The following ABI3 variants were observed in gnomAD, a reference collection of about 807,000 sequenced individuals.
ABI3 encodes the protein ABI family member 3.
Under a neutral mutation model 37.0 loss-of-function variants are expected in ABI3, and 24 were observed. That is an observed-to-expected ratio of 0.65 (90% CI 0.47 to 0.91). The LOEUF is 0.91. Among genes scored for constraint, ABI3 ranks in the 40% least tolerant of loss-of-function variants. The probability of loss-of-function intolerance (pLI) is 0.00; values close to 1 mark genes in which losing one functional copy is unlikely to be tolerated. For missense variants in ABI3, 481 were observed against 485.1 expected, an observed-to-expected ratio of 0.99 and a Z score of 0.08; for synonymous variants, 220 against 211.8, an observed-to-expected ratio of 1.04 and a Z score of -0.34.
Position 49,219,743 on chromosome 17 carries a change from G to A in ABI3, c.549-115G>A. Reference sequence around the variant, plus strand: ...CCCGGGTGCTCAGGCCGTCATGCTGGATGCCTGGCGCCAAACCTCCCCCTC... The same window carrying A: ...CCCGGGTGCTCAGGCCGTCATGCTGAATGCCTGGCGCCAAACCTCCCCCTC... On this transcript the variant is annotated intron_variant, in intron 4 of 7. Transcript: ENST00000225941. The surrounding 1 kb of genome is among the most constrained non-coding windows in gnomAD (Gnocchi z 4.3). 1 of 1,408,266 alleles carries A rather than the reference G, an allele frequency of 7.1e-7. No homozygotes were observed. Among genetic ancestry groups the A allele is most frequent in the Non-Finnish European group, 9.7e-7 (1 of 1,028,290 alleles). The allele number at this position is 1,408,266 out of a possible 1,614,324, so 87.2% of individuals were successfully genotyped here.
intron 1 of ABI3, among the ~76,000 whole-genome samples, chr17:49,214,876 G>C (rs117276946): frequency 6.6e-6 from 1 of 152,162 alleles, no homozygotes; most frequent in Non-Finnish European, 1.5e-5. Flanking sequence ...ATTAACTCAC[G>C]AGTGCATATT....
intron 3 of ABI3, among the ~76,000 whole-genome samples, chr17:49,218,327 G>T (rs1669801465): frequency 6.6e-6 from 1 of 152,212 alleles, no homozygotes; most frequent in South Asian, 2.1e-4. Flanking sequence ...GCTGCTGTTG[G>T]TGAGAAGAAG....
chr17:49,220,848 AT>A (rs1345634610), intron 6 of ABI3, among the ~76,000 whole-genome samples: 1 of 13,572 alleles, frequency 7.4e-5, no homozygotes, highest in Non-Finnish European at 2.0e-4. Flanking sequence ...CCATCTCAAA[AT>A]AATAATAATA....
intron 6 of ABI3, among the ~76,000 whole-genome samples, chr17:49,220,851 A>C (rs1393645029): frequency 1.4e-4 from 5 of 36,974 alleles, no homozygotes; most frequent in African/African-American, 5.6e-4. Context: ...TCTCAAAATA[A>C]TAATAATAAT....
Position 49,219,947 on chromosome 17 carries a change from C to G in ABI3, c.638C>G (p.Ser213Trp), listed in dbSNP as rs766418050. Reference sequence around the variant, plus strand: ...GCCTCCTCTGCGTTTTCCCTGGCCTCGGCCGGGTGAGACCTACAAGCCCAC... The same window carrying G: ...GCCTCCTCTGCGTTTTCCCTGGCCTGGGCCGGGTGAGACCTACAAGCCCAC... ...SAASSAFSLASAGSAEGVGGA... is the reference protein window; with the variant it reads ...SAASSAFSLAWAGSAEGVGGA... The change falls in exon 5 of 8, where the codon TCG becomes TGG. Residue 213 changes from serine (S) to tryptophan (W), a missense_variant. By Grantham distance (177) the Ser-to-Trp change is radical. Coordinates refer to ENST00000225941, the MANE Select transcript of ABI3 (RefSeq NM_016428.3). This position sits in a 1 kb window ranked among gnomAD's most constrained non-coding sequence, Gnocchi z 4.3. 6.5e-7 allele frequency: 1 copy of G among 1,545,518 alleles called. No homozygotes were observed. Among genetic ancestry groups the G allele is most frequent in the Non-Finnish European group, 8.7e-7 (1 of 1,150,864 alleles).
chr17:49,220,117 GGATGCTGCATTAGGGAAGGC>G, intron 5 of ABI3, 32 bp from the exon 6 acceptor site: 2 of 1,609,450 alleles, frequency 1.2e-6, no homozygotes, highest in Non-Finnish European at 1.7e-6. Flanking sequence ...GGCCAGTTGG[GGATGCTGCATTAGGGAAGGC>G]GTGTCCGCCA....
chr17:49,213,110 C>A (rs2043185369), intron 1 of ABI3, among the ~76,000 whole-genome samples: 1 of 152,178 alleles, frequency 6.6e-6, no homozygotes, highest in African/African-American at 2.4e-5. Flanking sequence ...GTGGTGGCTC[C>A]ATGGATTCAA....
Position 49,219,537 on chromosome 17 carries a change from C to A in ABI3, c.463-3C>A. On this transcript the variant is annotated splice_polypyrimidine_tract_variant and splice_region_variant and intron_variant, in intron 3 of 7. Transcript: ENST00000225941. This position sits in a 1 kb window ranked among gnomAD's most constrained non-coding sequence, Gnocchi z 4.3. ...GTAAGCCCTACCTCCCGCTCCCTCG[C>A]AGGACCTCAGCACGCAGCTGTCAAG... 6.2e-7 allele frequency: 1 copy of A among 1,600,118 alleles called. No individual in the cohort carries two copies.
At chr17:49,222,367 G>A in intron 7 of ABI3, 142 bp downstream of exon 7, 1 of 1,375,356 alleles carries the variant, frequency 7.3e-7, no homozygotes, top group South Asian at 1.4e-5. Context: ...GAACTGGGGA[G>A]AGGGCAGCTG....
In ABI3 at chr17:49,219,723, G is replaced by C. The variant is rs2043260149; in HGVS notation, c.548+98G>C. 1.4e-6 allele frequency: 2 copies of C among 1,427,448 alleles called. No homozygotes were observed. Among genetic ancestry groups the C allele is most frequent in the Non-Finnish European group, 1.9e-6 (2 of 1,043,788 alleles). The allele number at this position is 1,427,448 out of a possible 1,614,324, so 88.4% of individuals were successfully genotyped here. A position where few individuals can be genotyped will look rare whatever the true frequency, so the allele number is the denominator to read the frequency against. On this transcript the variant is annotated intron_variant, in intron 4 of 7. Transcript: ENST00000225941. The surrounding 1 kb of genome is among the most constrained non-coding windows in gnomAD (Gnocchi z 4.3). ...CGCCACCCACCCCTGGCGCCCCCGG[G>C]TGCTCAGGCCGTCATGCTGGATGCC... is the stretch of plus-strand genomic sequence containing the variant.
Position 49,220,153 on chromosome 17 carries a change from G to C in ABI3, c.645-16G>C, listed in dbSNP as rs747823680. 6.2e-7 allele frequency: 1 copy of C among 1,611,636 alleles called. No homozygotes were observed. The highest frequency in any genetic ancestry group is 8.5e-7 in the Non-Finnish European group (1 of 1,179,948). The stretch of plus-strand genomic sequence containing the variant: ...TAGGGAAGGCGTGTCCGCCAACCGG[G>C]CTCTCTGGTGTTCAGCAGCGCCGAA... On this transcript the variant is annotated splice_polypyrimidine_tract_variant and intron_variant, in intron 5 of 7. Coordinates refer to ENST00000225941, the MANE Select transcript of ABI3 (RefSeq NM_016428.3).
intron 1 of ABI3, among the ~76,000 whole-genome samples, chr17:49,214,683 C>G (rs906553514): frequency 6.6e-6 from 1 of 152,168 alleles, no homozygotes; most frequent in African/African-American, 2.4e-5. Context: ...GCACTCCAGC[C>G]TGGGCAACAA....
chr17:49,213,258 G>A (rs764717898), intron 1 of ABI3, among the ~76,000 whole-genome samples: 8 of 152,216 alleles, frequency 5.3e-5, no homozygotes, highest in Non-Finnish European at 8.8e-5. Flanking sequence ...AGGAGAAGCT[G>A]TCCTTGCAAA....
chr17:49,211,051 C>G lies in ABI3; in HGVS notation c.117+210C>G, dbSNP rs543647126. Among the ~76,000 whole-genome samples, 11 of 152,326 alleles carry G rather than the reference C, an allele frequency of 7.2e-5. No individual in the cohort carries two copies. The East Asian group carries it at 1.9e-3, about 27-fold the overall frequency. On this transcript the variant is annotated intron_variant, in intron 1 of 7. Coordinates refer to ENST00000225941, the MANE Select transcript of ABI3 (RefSeq NM_016428.3). ...CAAGCCCCCACTGTGCCCCTTCTGTCTCTCAGAGCCTCAGAGATGCCTGGG... is the reference window on the plus strand; with the variant it reads ...CAAGCCCCCACTGTGCCCCTTCTGTGTCTCAGAGCCTCAGAGATGCCTGGG...
At chr17:49,216,955 CA>C (rs1028171471) in intron 2 of ABI3, among the ~76,000 whole-genome samples, 16 of 152,184 alleles carry the variant, frequency 1.1e-4, no homozygotes, top group Admixed American at 1.0e-3. Flanking sequence ...CTACCAATCA[CA>C]GCAGCGCCCT....
At chr17:49,221,470 C>CA (rs940238038) in intron 6 of ABI3, among the ~76,000 whole-genome samples, 13 of 150,404 alleles carry the variant, frequency 8.6e-5, no homozygotes, top group South Asian at 2.1e-4. Context: ...GACTCGGTCT[C>CA]AAAAAAAAAT....
intron 6 of ABI3, among the ~76,000 whole-genome samples, chr17:49,221,877 C>G (rs1409058634): frequency 2.6e-5 from 4 of 152,080 alleles, no homozygotes; most frequent in Non-Finnish European, 1.5e-5. Context: ...TGCCACCATG[C>G]CCGGCTAATT....
In ABI3 at chr17:49,219,302, G is replaced by T. The variant is rs1416878747; in HGVS notation, c.463-238G>T. Reference sequence around the variant, plus strand: ...TGCTGGGCCCACTCAACCCGCTGTGGCTGTGCAGAGGAAGTGGCTGTGGGC... The same window carrying T: ...TGCTGGGCCCACTCAACCCGCTGTGTCTGTGCAGAGGAAGTGGCTGTGGGC... On this transcript the variant is annotated intron_variant, in intron 3 of 7. Transcript: ENST00000225941. The surrounding 1 kb of genome is among the most constrained non-coding windows in gnomAD (Gnocchi z 4.3). Among the ~76,000 whole-genome samples the T allele has an allele frequency of 6.6e-6, 1 of 152,162 alleles. No homozygotes were observed. Among genetic ancestry groups the T allele is most frequent in the African/African-American group, 2.4e-5 (1 of 41,442 alleles).
Position 49,219,961 on chromosome 17 carries a change from C to T in ABI3, c.644+8C>T. On this transcript the variant is annotated splice_region_variant and intron_variant, in intron 5 of 7. Transcript: ENST00000225941. This position sits in a 1 kb window ranked among gnomAD's most constrained non-coding sequence, Gnocchi z 4.3. ...TTCCCTGGCCTCGGCCGGGTGAGAC[C>T]TACAAGCCCACGTGGGTGGGTGGGG... The T allele has an allele frequency of 6.5e-7, 1 of 1,542,122 alleles. No individual in the cohort carries two copies. The highest frequency in any genetic ancestry group is 1.2e-5 in the South Asian group (1 of 84,528).
Sources: allele counts gnomAD v4.1 joint callset (sites outside exome capture counted in the v4.1 genomes callset), GRCh38; gene constraint gnomAD v4.1.1; non-coding constraint Gnocchi (gnomAD v3.1); transcripts MANE v1.5; gene names NCBI Gene and HGNC (gene_info 2026-07-23, HGNC 2026-07-21).